Variants in RGS3 observed in about 807,000 individuals in gnomAD.
RGS3 encodes regulator of G-protein signalling 3.
A neutral mutation model predicts 132.6 loss-of-function variants in RGS3; 80 were observed. That is an observed-to-expected ratio of 0.60 (90% CI 0.50 to 0.73). The LOEUF is 0.73. Among genes scored for constraint, RGS3 ranks in the 30% least tolerant of loss-of-function variants. RGS3 has a pLI of 0.00. For missense variants in RGS3, 1,382 were observed against 1,530.8 expected (o/e 0.90, Z 1.62); for synonymous variants, 598 against 620.6 (o/e 0.96, Z 0.54).
chr9:113,493,143 G>A (rs1041637897), intron 7 of RGS3, among the ~76,000 whole-genome samples: 4 of 152,230 alleles, frequency 2.6e-5, no homozygotes, highest in African/African-American at 7.2e-5. Context: ...TCTTGCCAAG[G>A]CTTTTCTGGA....
intron 24 of RGS3, 39 bp downstream of exon 22, chr9:113,595,804 C>T (rs926806547): frequency 1.9e-5 from 31 of 1,599,312 alleles, no homozygotes; most frequent in African/African-American, 2.7e-5. Context: ...CTCCAATCCC[C>T]AGGGCCCAGT....
chr9:113,537,007 C>T lies in RGS3; in HGVS notation c.2037+89C>T, dbSNP rs1832708997. ...TGAGCCTCTGCATTGAGCTGGGGGC[C>T]AGCCTGAGCTTCCAACTTGGCTCTG... On this transcript the variant is annotated intron_variant, in intron 19 of 24. Coordinates refer to ENST00000350696, the Ensembl canonical transcript of RGS3. The surrounding 1 kb of genome is among the most constrained non-coding windows in gnomAD (Gnocchi z 4.3). 7.6e-7 allele frequency: 1 copy of T among 1,309,186 alleles called. No individual in the cohort carries two copies. Among genetic ancestry groups the T allele is most frequent in the African/African-American group, 1.5e-5 (1 of 68,510 alleles). The allele number at this position is 1,309,186 out of a possible 1,614,324, so 81.1% of individuals were successfully genotyped here.
rs1365331512 is a variant in RGS3 at position 113,565,891 on chromosome 9, GTGTGTGTGTGTGTGTGTGTGTGTGTC to G, written c.2038-17555_2038-17530del. On this transcript the variant is annotated intron_variant, in intron 19 of 24. Coordinates refer to ENST00000350696, the Ensembl canonical transcript of RGS3. The surrounding 1 kb of genome is among the most constrained non-coding windows in gnomAD (Gnocchi z 5.7). Reference sequence around the variant, plus strand: ...GAGATAGCTCTGTGTGTGTGTGTGTGTGTGTGTGTGTGTGTGTGTGTGTGTCTGTCTGTCTGTCTGTCTCAGGGGCT... The same window carrying G: ...GAGATAGCTCTGTGTGTGTGTGTGTGTGTCTGTCTGTCTGTCTCAGGGGCT... 6.8e-6 allele frequency among the ~76,000 whole-genome samples: 1 copy of G among 147,772 alleles called. No homozygotes were observed. The highest frequency in any genetic ancestry group is 6.7e-5 in the Admixed American group (1 of 14,826).
chr9:113,534,809 G>T (rs1262541114), intron 18 of RGS3, among the ~76,000 whole-genome samples: 1 of 151,866 alleles, frequency 6.6e-6, no homozygotes, highest in East Asian at 1.9e-4. Context: ...TAGAGACTGG[G>T]TCTCACTGTG....
At chr9:113,489,146 C>T (rs961457427) in intron 7 of RGS3, among the ~76,000 whole-genome samples, 3 of 152,212 alleles carry the variant, frequency 2.0e-5, no homozygotes, top group Middle Eastern at 6.3e-3. Flanking sequence ...CTTATGAAAG[C>T]CGAGGCACTT....
intron 20 of RGS3, among the ~76,000 whole-genome samples, chr9:113,588,610 C>T (rs1331226143): frequency 6.6e-6 from 1 of 152,218 alleles, no homozygotes; most frequent in African/African-American, 2.4e-5. Flanking sequence ...GTAACTAGCT[C>T]TTAGAATCGT....
At chr9:113,482,797 C>T (rs1830206076) in intron 4 of RGS3, among the ~76,000 whole-genome samples, 1 of 152,142 alleles carries the variant, frequency 6.6e-6, no homozygotes, top group East Asian at 1.9e-4. Context: ...ATTGAATGTA[C>T]CTCGTAATGC....
intron 10 of RGS3, among the ~76,000 whole-genome samples, chr9:113,502,049 C>T (rs149607184): frequency 4.9e-4 from 74 of 152,254 alleles, no homozygotes; most frequent in African/African-American, 1.6e-3. Flanking sequence ...TATGTGAGAT[C>T]GGGTGTTTTC....
intron 13 of RGS3, among the ~76,000 whole-genome samples, chr9:113,508,153 G>C (rs1166944578): frequency 6.6e-6 from 1 of 152,156 alleles, no homozygotes; most frequent in Non-Finnish European, 1.5e-5. Flanking sequence ...GGCTCTGCTG[G>C]CATCCTGTAC....
At chr9:113,514,775 T>G in intron 15 of RGS3, 121 bp downstream of exon 13, 1 of 888,940 alleles carries the variant, frequency 1.1e-6, no homozygotes, top group South Asian at 1.7e-5. Context: ...TTGGGAAAGA[T>G]AAGTAGCTTT....
rs998371381 is a variant in RGS3 at position 113,591,222 on chromosome 9, T to C, written c.3016-111T>C. 22 of 924,616 alleles carry C rather than the reference T, an allele frequency of 2.4e-5. No individual in the cohort carries two copies. Among genetic ancestry groups the C allele is most frequent in the Admixed American group, 1.2e-4 (6 of 49,892 alleles). The allele number at this position is 924,616 out of a possible 1,614,324, so 57.3% of individuals were successfully genotyped here. A position where few individuals can be genotyped will look rare whatever the true frequency, so the allele number is the denominator to read the frequency against. On this transcript the variant is annotated intron_variant, in intron 20 of 24. Coordinates refer to ENST00000350696, the Ensembl canonical transcript of RGS3. This position sits in a 1 kb window ranked among gnomAD's most constrained non-coding sequence, Gnocchi z 4.4. ...CACCTGTGTGCCGCGGGTGGGGGCT[T>C]TGGGGATGGAAGGGGCTGGTGGCAG... is the stretch of plus-strand genomic sequence containing the variant.
intron 1 of RGS3, among the ~76,000 whole-genome samples, chr9:113,452,021 CA>C (rs533182169): frequency 1.5e-4 from 23 of 152,074 alleles, no homozygotes; most frequent in African/African-American, 5.3e-4. Context: ...TCTTAAGAGT[CA>C]GGGGGTCACT....
At chr9:113,536,633 C>T in intron 18 of RGS3, 163 bp from the exon 17 acceptor site, 1 of 1,468,706 alleles carries the variant, frequency 6.8e-7, no homozygotes, top group East Asian at 2.4e-5. Context: ...CTCTGGCTGC[C>T]TCAATGTCAC....
rs375809753 is a variant in RGS3, at chr9:113,596,976, C to T, written c.*23C>T. On this transcript the variant is annotated 3_prime_UTR_variant, in exon 25 of 25. Coordinates refer to ENST00000350696, the Ensembl canonical transcript of RGS3. Reference sequence around the variant, plus strand: ...TAGGGGCCACTGGAGTCGAGCTCAGCGTTCACACCAGGCGGGCTGGGTCCC... The same window carrying T: ...TAGGGGCCACTGGAGTCGAGCTCAGTGTTCACACCAGGCGGGCTGGGTCCC... 27 of 1,574,728 alleles carry T rather than the reference C, an allele frequency of 1.7e-5. No individual in the cohort carries two copies. The African/African-American group carries it at 2.7e-4, about 16-fold the overall frequency.
chr9:113,578,980 A>T (rs1203591190), intron 19 of RGS3, among the ~76,000 whole-genome samples: 1 of 152,168 alleles, frequency 6.6e-6, no homozygotes, highest in African/African-American at 2.4e-5. Flanking sequence ...TGGAGTGAAG[A>T]TTCCAGTCCA....
chr9:113,491,389 T>A (rs971486960), intron 7 of RGS3, among the ~76,000 whole-genome samples: 1 of 151,766 alleles, frequency 6.6e-6, no homozygotes, highest in Non-Finnish European at 1.5e-5. Flanking sequence ...GCTGGCACTC[T>A]GCAGGCGCAT....
intron 19 of RGS3, among the ~76,000 whole-genome samples, chr9:113,547,935 T>C (rs1833180849): frequency 6.6e-6 from 1 of 152,240 alleles, no homozygotes; most frequent in Non-Finnish European, 1.5e-5. Flanking sequence ...GATGGAAGAC[T>C]ATTAAGGGTT....
At chr9:113,483,197 C>G in intron 5 of RGS3, 80 bp downstream of exon 3, 1 of 980,178 alleles carries the variant, frequency 1.0e-6, no homozygotes, top group Non-Finnish European at 1.6e-6. Context: ...CCCAGCACAC[C>G]TGTGGGGCTG....
At chr9:113,447,923 T>C (rs1026183017) in intron 1 of RGS3, among the ~76,000 whole-genome samples, 1 of 146,470 alleles carries the variant, frequency 6.8e-6, no homozygotes, top group Non-Finnish European at 1.5e-5. Flanking sequence ...AGTGGCACCA[T>C]CACAGATCAC....
Sources: allele counts gnomAD v4.1 joint callset (sites outside exome capture counted in the v4.1 genomes callset), GRCh38; gene constraint gnomAD v4.1.1; non-coding constraint Gnocchi (gnomAD v3.1); transcripts MANE v1.5; gene names NCBI Gene and HGNC (gene_info 2026-07-23, HGNC 2026-07-21).